Variants in STAT4 observed in about 807,000 individuals in gnomAD.
STAT4 encodes signal transducer and activator of transcription 4.
Under a neutral mutation model 110.5 loss-of-function variants are expected in STAT4, and 42 were observed. The observed-to-expected ratio is 0.38, with a 90% CI of 0.30 to 0.49. STAT4 has a LOEUF of 0.49. Among genes scored for constraint, STAT4 ranks in the 20% least tolerant of loss-of-function variants. The pLI, the probability that STAT4 is intolerant of heterozygous loss-of-function variation, is 0.95. For synonymous variants in STAT4, 284 were observed against 302.2 expected (o/e 0.94, Z 0.63); for missense variants, 632 against 887.9 (o/e 0.71, Z 3.66).
intron 3 of STAT4, among the ~76,000 whole-genome samples, chr2:191,136,723 C>G (rs2125433773): frequency 1.4e-5 from 2 of 141,726 alleles, no homozygotes; most frequent in South Asian, 4.6e-4. Flanking sequence ...TGAACTCTAT[C>G]TAGTCTGGGT....
intron 3 of STAT4, among the ~76,000 whole-genome samples, chr2:191,088,579 T>G (rs2125302213): frequency 6.6e-6 from 1 of 152,314 alleles, no homozygotes. Flanking sequence ...GGATAATGAC[T>G]AATTTTAAAG....
intron 13 of STAT4, among the ~76,000 whole-genome samples, chr2:191,056,190 T>C (rs1696686968): frequency 1.3e-5 from 2 of 152,226 alleles, no homozygotes; most frequent in Admixed American, 1.3e-4. Flanking sequence ...AGTAGACTTT[T>C]TGAGGCAGAT....
intron 1 of STAT4, among the ~76,000 whole-genome samples, chr2:191,149,214 C>T (rs1699531564): frequency 1.3e-5 from 2 of 152,278 alleles, no homozygotes; most frequent in South Asian, 4.1e-4. Context: ...CAACATATCT[C>T]ATAGATAGGC....
chr2:191,100,191 G>C (rs1353242129), intron 3 of STAT4, among the ~76,000 whole-genome samples: 1 of 152,054 alleles, frequency 6.6e-6, no homozygotes, highest in African/African-American at 2.4e-5. Context: ...TGACATTTAC[G>C]AAGCAACTCT....
rs1419282114 is a variant in STAT4 at position 191,043,380 on chromosome 2, A to C, written c.1252-2232T>G. Among the ~76,000 whole-genome samples, 1 of 152,234 alleles carries C rather than the reference A, an allele frequency of 6.6e-6. No individual in the cohort carries two copies. The highest frequency in any genetic ancestry group is 1.5e-5 in the Non-Finnish European group (1 of 68,042). On this transcript the variant is annotated intron_variant, in intron 14 of 23. Transcript: ENST00000392320. The surrounding 1 kb of genome is among the most constrained non-coding windows in gnomAD (Gnocchi z 4.8). ...AATATATGAACTGCAGCAACAAACTAACACAAGTTCTGGAAAGAGAACAGA... is the reference window on the plus strand; with the variant it reads ...AATATATGAACTGCAGCAACAAACTCACACAAGTTCTGGAAAGAGAACAGA...
chr2:191,124,164 A>T (rs930243735), intron 3 of STAT4, among the ~76,000 whole-genome samples: 1 of 152,202 alleles, frequency 6.6e-6, no homozygotes, highest in Non-Finnish European at 1.5e-5. Flanking sequence ...ATTTATTAAA[A>T]AAGATACTGA....
chr2:191,096,180 T>C (rs1697973958), intron 3 of STAT4, among the ~76,000 whole-genome samples: 1 of 152,192 alleles, frequency 6.6e-6, no homozygotes, highest in Non-Finnish European at 1.5e-5. Flanking sequence ...AGCCAAATTC[T>C]ACCAGAGGTA....
rs1015588685 is a variant in STAT4 at position 191,042,348 on chromosome 2, T to TA, written c.1252-1201dup. 3.9e-5 allele frequency among the ~76,000 whole-genome samples: 6 copies of TA among 151,976 alleles called. No individual in the cohort carries two copies. The highest frequency in any genetic ancestry group is 1.9e-4 in the East Asian group (1 of 5,178). On this transcript the variant is annotated intron_variant, in intron 14 of 23. Transcript: ENST00000392320. This position sits in a 1 kb window ranked among gnomAD's most constrained non-coding sequence, Gnocchi z 4.2. Reference sequence around the variant, plus strand: ...AAAAATAAATAAATAAATAAAAGAATAAAAAAACAGTGAAAAAAGTCTACT... The same window carrying TA: ...AAAAATAAATAAATAAATAAAAGAATAAAAAAAACAGTGAAAAAAGTCTACT...
chr2:191,105,429 T>C (rs183975007), intron 3 of STAT4, among the ~76,000 whole-genome samples: 167 of 152,336 alleles, frequency 1.1e-3, no homozygotes, highest in Non-Finnish European at 2.1e-3. Flanking sequence ...TTGTTCTTTT[T>C]AAAAAGGTGG....
chr2:191,147,680 TA>T lies in STAT4; in HGVS notation c.128+395del, dbSNP rs1435170984. Among the ~76,000 whole-genome samples, 1 of 152,068 alleles carries T rather than the reference TA, an allele frequency of 6.6e-6. No homozygotes were observed. The highest frequency in any genetic ancestry group is 2.1e-4 in the South Asian group (1 of 4,832). ...TTATGTTATGTGTATTTTACCACAATAAAAAAGATGGCTGAAAAAAATTAAA... is the reference window on the plus strand; with the variant it reads ...TTATGTTATGTGTATTTTACCACAATAAAAAGATGGCTGAAAAAAATTAAA... On this transcript the variant is annotated intron_variant, in intron 2 of 23. Transcript: ENST00000392320. This position sits in a 1 kb window ranked among gnomAD's most constrained non-coding sequence, Gnocchi z 4.1.
chr2:191,141,476 A>G (rs1247588617), intron 3 of STAT4, among the ~76,000 whole-genome samples: 1 of 92,696 alleles, frequency 1.1e-5, no homozygotes, highest in Non-Finnish European at 2.2e-5. Context: ...TATATCACAT[A>G]CATACATATA....
intron 5 of STAT4, among the ~76,000 whole-genome samples, chr2:191,071,654 T>C (rs1356648336): frequency 6.6e-6 from 1 of 152,222 alleles, no homozygotes; most frequent in African/African-American, 2.4e-5. Flanking sequence ...AAAAGCTCTC[T>C]GAATGATCTG....
At chr2:191,133,802 T>A (rs1168264748) in intron 3 of STAT4, among the ~76,000 whole-genome samples, 1 of 151,710 alleles carries the variant, frequency 6.6e-6, no homozygotes, top group Non-Finnish European at 1.5e-5. Context: ...CCAAATGAGT[T>A]GAAAACTTAC....
intron 3 of STAT4, among the ~76,000 whole-genome samples, chr2:191,129,277 C>T (rs908766030): frequency 3.9e-5 from 6 of 152,018 alleles, no homozygotes; most frequent in Non-Finnish European, 5.9e-5. Flanking sequence ...CAAAGGAGGA[C>T]GCTTTAGATG....
At position 191,029,958 on chromosome 2, in the gene STAT4, G is replaced by A. The variant is rs1041777315; in HGVS notation, c.2221-92C>T. ...GGCAAATAAACGTCCTCTTTTCTAC[G>A]AATTACTCCATAATTTTTCTATTAC... On this transcript the variant is annotated intron_variant, in intron 23 of 23. Transcript: ENST00000392320. The surrounding 1 kb of genome is among the most constrained non-coding windows in gnomAD (Gnocchi z 4.5). 3.4e-5 allele frequency: 33 copies of A among 967,778 alleles called. No homozygotes were observed. The highest frequency in any genetic ancestry group is 2.0e-4 in the East Asian group (8 of 39,596). The allele number at this position is 967,778 out of a possible 1,614,324, so 59.9% of individuals were successfully genotyped here.
intron 3 of STAT4, among the ~76,000 whole-genome samples, chr2:191,103,180 C>T (rs1388710092): frequency 6.6e-6 from 1 of 152,072 alleles, no homozygotes; most frequent in Non-Finnish European, 1.5e-5. Context: ...GTATGTTGTT[C>T]TTCTAATTTT....
chr2:191,128,940 G>T (rs965170516), intron 3 of STAT4, among the ~76,000 whole-genome samples: 43 of 152,138 alleles, frequency 2.8e-4, no homozygotes, highest in African/African-American at 8.7e-4. Context: ...AATTTAAAAA[G>T]CAAAACATAG....
intron 3 of STAT4, among the ~76,000 whole-genome samples, chr2:191,122,228 G>A (rs1698756325): frequency 6.6e-6 from 1 of 150,672 alleles, no homozygotes; most frequent in African/African-American, 2.4e-5. Context: ...TATCAAAATG[G>A]CCATCAAGCA....
intron 14 of STAT4, 142 bp from the exon 15 acceptor site, chr2:191,041,290 C>T (rs1292817018): frequency 1.2e-5 from 4 of 325,618 alleles, no homozygotes; most frequent in Non-Finnish European, 2.1e-5. Context: ...TTGAACATTC[C>T]CTCTTATTGT....
Sources: allele counts gnomAD v4.1 joint callset (sites outside exome capture counted in the v4.1 genomes callset), GRCh38; gene constraint gnomAD v4.1.1; non-coding constraint Gnocchi (gnomAD v3.1); transcripts MANE v1.5; gene names NCBI Gene and HGNC (gene_info 2026-07-23, HGNC 2026-07-21).